IRAK4: variants seen among roughly 807,000 people sequenced by gnomAD.
The protein encoded by IRAK4 is interleukin-1 receptor-associated kinase 4.
Under a neutral mutation model 51.8 loss-of-function variants are expected in IRAK4, and 44 were observed. That is an observed-to-expected ratio of 0.85 (90% CI 0.67 to 1.09). The LOEUF (loss-of-function observed/expected upper bound fraction) is 1.09, where lower values mean the gene tolerates loss of function less well. Ranked by LOEUF, IRAK4 falls within the 50% of genes least tolerant of loss-of-function variation. The pLI, the probability that IRAK4 is intolerant of heterozygous loss-of-function variation, is 0.00. For synonymous variants in IRAK4, 149 were observed against 174.1 expected (o/e 0.86, Z 1.13); for missense variants, 487 against 538.0 (o/e 0.91, Z 0.94).
Position 43,771,227 on chromosome 12 carries a change from G to A in IRAK4, c.169G>A (p.Glu57Lys). The A allele has an allele frequency of 6.2e-7, 1 of 1,613,698 alleles. No homozygotes were observed. The highest frequency in any genetic ancestry group is 8.5e-7 in the Non-Finnish European group (1 of 1,179,726). Residue 57 changes from glutamate to lysine, a missense_variant, in exon 3 of 12, where the codon GAA (glutamate) becomes AAA (lysine). Physicochemically the swap from Glu to Lys is moderately conservative, Grantham distance 56. Transcript: ENST00000613694. ...RYNQFHIRRF[E>K]ALLQTGKSPT... ...TTGTTACTTACTTTTAAGGAGATTT[G>A]AAGCATTACTTCAAACTGGAAAAAG...
chr12:43,779,320 T>C (rs986291773), intron 8 of IRAK4, among the ~76,000 whole-genome samples: 52 of 152,240 alleles, frequency 3.4e-4, no homozygotes, highest in African/African-American at 1.2e-3. Flanking sequence ...GGGTGGTGGA[T>C]TGGAGATAAA....
intron 6 of IRAK4, 66 bp downstream of exon 6, chr12:43,774,095 C>G: frequency 1.9e-6 from 2 of 1,054,910 alleles, no homozygotes; most frequent in Non-Finnish European, 2.9e-6. Context: ...GAACCTGGTT[C>G]ACTCTAGAGT....
intron 8 of IRAK4, among the ~76,000 whole-genome samples, chr12:43,779,116 T>C (rs922576172): frequency 1.3e-5 from 2 of 152,124 alleles, no homozygotes; most frequent in Non-Finnish European, 2.9e-5. Context: ...ACAAAAAAAC[T>C]AGTCAAACGT....
At chr12:43,766,048 A>G (rs1395056080) in intron 1 of IRAK4, among the ~76,000 whole-genome samples, 3 of 152,034 alleles carry the variant, frequency 2.0e-5, no homozygotes, top group Non-Finnish European at 2.9e-5. Context: ...CATCCCTTTG[A>G]TTTTTATCCA....
Position 43,784,714 on chromosome 12 carries a change from A to G in IRAK4, c.1188+990A>G, listed in dbSNP as rs989476702. On this transcript the variant is annotated intron_variant, in intron 10 of 11. Transcript: ENST00000613694. ...AGTCACAAGTTTTGCATTTCATCAT[A>G]TAATAGTGAAAATCATAAATCTTTG... is the stretch of plus-strand genomic sequence containing the variant. Among the ~76,000 whole-genome samples the G allele has an allele frequency of 2.6e-5, 4 of 152,248 alleles. No homozygotes were observed. The East Asian group carries it at 5.8e-4, about 22-fold the overall frequency.
chr12:43,761,711 A>G (rs149690962), intron 1 of IRAK4, among the ~76,000 whole-genome samples: 95 of 152,342 alleles, frequency 6.2e-4, no homozygotes, highest in African/African-American at 2.2e-3. Flanking sequence ...CAAAGTGCTA[A>G]TGAAGCAGTC....
chr12:43,783,529 C>T (rs1941957109), intron 9 of IRAK4, 133 bp from the exon 10 acceptor site: 1 of 639,148 alleles, frequency 1.6e-6, no homozygotes, highest in South Asian at 1.8e-5. Context: ...CACTGTTGCC[C>T]AGGCTGGTCG....
At chr12:43,785,520 T>C (rs1369116999) in intron 10 of IRAK4, among the ~76,000 whole-genome samples, 3 of 151,734 alleles carry the variant, frequency 2.0e-5, no homozygotes, top group Non-Finnish European at 4.4e-5. Context: ...TGGGAACATA[T>C]AAGCAATTAG....
intron 1 of IRAK4, among the ~76,000 whole-genome samples, chr12:43,766,238 T>C (rs1438848583): frequency 6.6e-6 from 1 of 152,214 alleles, no homozygotes; most frequent in Non-Finnish European, 1.5e-5. Flanking sequence ...AGGCATCCTG[T>C]GGTCCAGCCA....
At chr12:43,777,538 C>T (rs1377155191) in intron 6 of IRAK4, 92 bp from the exon 7 acceptor site, 37 of 1,218,980 alleles carry the variant, frequency 3.0e-5, no homozygotes, top group Admixed American at 3.0e-4. Context: ...TTTTTTTGCT[C>T]TTTTTTTCTA....
chr12:43,786,232 C>T (rs1942202312), intron 10 of IRAK4, among the ~76,000 whole-genome samples, 167 bp from the exon 11 acceptor site: 1 of 151,838 alleles, frequency 6.6e-6, no homozygotes, highest in Non-Finnish European at 1.5e-5. Context: ...AGGGTTTCAC[C>T]ATGTTGCCCA....
At chr12:43,763,321 A>C (rs1256199596) in intron 1 of IRAK4, 1 of 152,200 alleles carries the variant, frequency 6.6e-6, no homozygotes, top group African/African-American at 2.4e-5. Flanking sequence ...CTTCATATAC[A>C]TCAACCAAAA....
At chr12:43,774,481 T>C (rs1348932298) in intron 6 of IRAK4, among the ~76,000 whole-genome samples, 2 of 152,136 alleles carry the variant, frequency 1.3e-5, no homozygotes, top group East Asian at 3.9e-4. Flanking sequence ...TCTCCTGACC[T>C]TGTGATCCAC....
chr12:43,776,929 T>A (rs1195319830), intron 6 of IRAK4, among the ~76,000 whole-genome samples: 1 of 152,204 alleles, frequency 6.6e-6, no homozygotes. Context: ...GCTTTGAGTG[T>A]GTTAGAAAAT....
At chr12:43,782,720 CTT>C (rs965329318) in intron 9 of IRAK4, among the ~76,000 whole-genome samples, 1 of 152,220 alleles carries the variant, frequency 6.6e-6, no homozygotes, top group Admixed American at 6.5e-5. Flanking sequence ...TGCCATCTGT[CTT>C]TATGAATTAG....
Position 43,786,740 on chromosome 12 carries a change from C to G in IRAK4, c.*25C>G. On this transcript the variant is annotated 3_prime_UTR_variant, in exon 12 of 12. Transcript: ENST00000613694. ...AAACTTTATTGGAAAAGACTCTTGACTTTTTATATACACCTATCTCAACCA... is the reference window on the plus strand; with the variant it reads ...AAACTTTATTGGAAAAGACTCTTGAGTTTTTATATACACCTATCTCAACCA... 1.9e-6 allele frequency: 3 copies of G among 1,595,662 alleles called. No homozygotes were observed. The highest frequency in any genetic ancestry group is 2.6e-6 in the Non-Finnish European group (3 of 1,163,614).
chr12:43,786,765 A>G lies in IRAK4; in HGVS notation c.*50A>G. On this transcript the variant is annotated 3_prime_UTR_variant, in exon 12 of 12. Transcript: ENST00000613694. ...CTTTTTATATACACCTATCTCAACC[A>G]TTTTTTTAACTGATTTTTTTCCTAA... The G allele has an allele frequency of 6.8e-7, 1 of 1,479,852 alleles. No homozygotes were observed. The highest frequency in any genetic ancestry group is 1.2e-5 in the South Asian group (1 of 86,532). 91.7% of individuals were successfully genotyped at this position (1,479,852 alleles called of 1,614,324 possible).
chr12:43,764,769 AG>A (rs556750012), intron 1 of IRAK4, among the ~76,000 whole-genome samples: 16 of 151,046 alleles, frequency 1.1e-4, no homozygotes, highest in Non-Finnish European at 2.2e-4. Flanking sequence ...AAGCTTTCCC[AG>A]GTGTTTTTCT....
chr12:43,769,341 T>C (rs1214015701), intron 2 of IRAK4, among the ~76,000 whole-genome samples: 1 of 152,214 alleles, frequency 6.6e-6, no homozygotes, highest in Non-Finnish European at 1.5e-5. Context: ...TTCTCGTGCA[T>C]GTGAGCAGGA....
Sources: allele counts gnomAD v4.1 joint callset (sites outside exome capture counted in the v4.1 genomes callset), GRCh38; gene constraint gnomAD v4.1.1; transcripts MANE v1.5; gene names NCBI Gene and HGNC (gene_info 2026-07-23, HGNC 2026-07-21).